The following NEK1 variants were observed in gnomAD, a reference collection of about 807,000 sequenced individuals.
NEK1 encodes NIMA related kinase 1.
NEK1 carries 137 observed loss-of-function variants against 182.1 expected under a neutral mutation model. That is an observed-to-expected ratio of 0.75 (90% CI 0.65 to 0.87). The LOEUF (loss-of-function observed/expected upper bound fraction) is 0.87. Among genes scored for constraint, NEK1 ranks in the 40% least tolerant of loss-of-function variants. NEK1 has a pLI of 0.00. For missense variants in NEK1, 1,391 were observed against 1,494.4 expected (o/e 0.93, Z 1.14); for synonymous variants, 513 against 492.2 (o/e 1.04, Z -0.56).
chr4:169,511,010 T>C (rs1754085831), intron 19 of NEK1, among the ~76,000 whole-genome samples: 1 of 152,178 alleles, frequency 6.6e-6, no homozygotes, highest in African/African-American at 2.4e-5. Context: ...AAGCGCAGTA[T>C]ATTTTAGTTA....
Position 169,477,249 on chromosome 4 carries a change from T to G in NEK1, c.2309A>C (p.Glu770Ala). 1 of 1,601,016 alleles carries G rather than the reference T, an allele frequency of 6.2e-7. No homozygotes were observed. The highest frequency in any genetic ancestry group is 8.5e-7 in the Non-Finnish European group (1 of 1,172,418). Residue 770 changes from glutamate (E) to alanine (A), a missense_variant, in exon 26 of 36, where the codon GAA becomes GCA. Coordinates refer to ENST00000507142, the MANE Select transcript of NEK1 (RefSeq NM_001199397.3). ...LSDTFEINVH[E>A]DAKEHEKEKS... The stretch of plus-strand genomic sequence containing the variant: ...TTCTTTTTCATGCTCTTTGGCATCT[T>G]CATGAACATTTATCTCAAAAGTATC...
intron 27 of NEK1, among the ~76,000 whole-genome samples, chr4:169,443,451 A>G (rs1310469033): frequency 3.3e-5 from 5 of 151,724 alleles, no homozygotes; most frequent in Non-Finnish European, 7.4e-5. Context: ...GAATGAAAAC[A>G]GTTCTTTCGA....
chr4:169,524,847 G>A (rs1189644717), intron 19 of NEK1, among the ~76,000 whole-genome samples: 2 of 152,172 alleles, frequency 1.3e-5, no homozygotes, highest in East Asian at 3.9e-4. Context: ...CATAAACGGT[G>A]TACTGGAACA....
At chr4:169,407,659 T>C (rs921348962) in intron 31 of NEK1, among the ~76,000 whole-genome samples, 1 of 152,190 alleles carries the variant, frequency 6.6e-6, no homozygotes, top group Non-Finnish European at 1.5e-5. Context: ...GACAAGGCTA[T>C]GAAACAACTA....
At chr4:169,607,088 A>G (rs1771479583) in intron 2 of NEK1, among the ~76,000 whole-genome samples, 1 of 152,234 alleles carries the variant, frequency 6.6e-6, no homozygotes, top group Non-Finnish European at 1.5e-5. Flanking sequence ...TTCTGTTCCT[A>G]AACTGTGCAT....
At chr4:169,600,964 T>C (rs966356407) in intron 4 of NEK1, among the ~76,000 whole-genome samples, 1 of 152,108 alleles carries the variant, frequency 6.6e-6, no homozygotes, top group Non-Finnish European at 1.5e-5. Flanking sequence ...TAACTTGAAA[T>C]ATTAAAATTT....
intron 19 of NEK1, among the ~76,000 whole-genome samples, chr4:169,524,699 A>G (rs1580458273): frequency 6.6e-6 from 1 of 152,214 alleles, no homozygotes. Context: ...ACTATGGTCC[A>G]TGGTCCAAAT....
chr4:169,445,842 C>CTATATATATATATATATATATATATATA (rs1206499120), intron 27 of NEK1, among the ~76,000 whole-genome samples: 1 of 108,532 alleles, frequency 9.2e-6, no homozygotes, highest in African/African-American at 4.8e-5. Flanking sequence ...AACAAAACAA[C>CTATATATATATATATATATATATATATA]TATATACATA....
chr4:169,561,732 A>G lies in NEK1; in HGVS notation c.1146T>C (p.Ile382=), dbSNP rs56064008. ...EKEKKQKDQI[I]SLMKAEQMKR... ...TCATTTGTTCAGCCTTCATTAAACT[A>G]ATAATCTGTAACAATTTTAAAGACA... Residue 382 remains isoleucine, a synonymous_variant, in exon 15 of 36, where the codon ATT becomes ATC. Transcript: ENST00000507142. 128,047 of 1,576,632 alleles carry G rather than the reference A, an allele frequency of 0.081. 6,202 individuals carry two copies. Among genetic ancestry groups the G allele is most frequent in the Non-Finnish European group, 0.098 (113,846 of 1,158,610 alleles).
chr4:169,417,871 G>C (rs1386330974), intron 31 of NEK1, among the ~76,000 whole-genome samples: 2 of 152,200 alleles, frequency 1.3e-5, no homozygotes, highest in Non-Finnish European at 2.9e-5. Flanking sequence ...GAAAATATCT[G>C]GACTTTGGGT....
chr4:169,439,334 C>A (rs1738997809), intron 27 of NEK1, among the ~76,000 whole-genome samples: 1 of 152,158 alleles, frequency 6.6e-6, no homozygotes, highest in Non-Finnish European at 1.5e-5. Flanking sequence ...CAGGAACTGT[C>A]CTTAGCTCAG....
chr4:169,546,055 G>C (rs62334503), intron 18 of NEK1, among the ~76,000 whole-genome samples: 70,111 of 152,034 alleles, frequency 0.46, 18,655 homozygotes, highest in East Asian at 0.76. Context: ...TTTCTTCTCT[G>C]ATTCTTCTAA....
intron 27 of NEK1, among the ~76,000 whole-genome samples, chr4:169,446,036 A>G (rs1278940577): frequency 6.6e-6 from 1 of 151,968 alleles, no homozygotes. Flanking sequence ...AATTGATCTC[A>G]TGGAAGTAGA....
At chr4:169,539,532 G>A (rs548301298) in intron 18 of NEK1, among the ~76,000 whole-genome samples, 2 of 152,154 alleles carry the variant, frequency 1.3e-5, no homozygotes, top group South Asian at 4.2e-4. Context: ...TGGGCCTGAG[G>A]AGGCAGATAA....
chr4:169,598,864 A>T (rs1465791717), intron 5 of NEK1, among the ~76,000 whole-genome samples: 1 of 152,230 alleles, frequency 6.6e-6, no homozygotes, highest in African/African-American at 2.4e-5. Context: ...TAGACGCATG[A>T]TATATATAAC....
At chr4:169,495,342 C>A (rs1751017271) in intron 23 of NEK1, among the ~76,000 whole-genome samples, 1 of 147,638 alleles carries the variant, frequency 6.8e-6, no homozygotes. Context: ...CTCCCGGGTT[C>A]ACGCCATTCT....
chr4:169,395,849 T>C (rs1216245996), intron 35 of NEK1, among the ~76,000 whole-genome samples: 1 of 152,214 alleles, frequency 6.6e-6, no homozygotes, highest in East Asian at 1.9e-4. Flanking sequence ...TTTGCTTTTA[T>C]TTTTATTACG....
chr4:169,506,981 G>T, intron 23 of NEK1, 56 bp downstream of exon 23: 1 of 1,177,358 alleles, frequency 8.5e-7, no homozygotes, highest in Non-Finnish European at 1.2e-6. Flanking sequence ...TACTACCCAG[G>T]AAGAGCTATA....
intron 19 of NEK1, among the ~76,000 whole-genome samples, chr4:169,522,433 G>A (rs1756226662): frequency 2.0e-5 from 3 of 152,184 alleles, no homozygotes; most frequent in Non-Finnish European, 4.4e-5. Context: ...GGTTTGACAA[G>A]TTATTATGTT....
Sources: gnomAD v4.1 joint callset for allele counts (sites outside exome capture counted in the v4.1 genomes callset) on GRCh38, gnomAD v4.1.1 for gene constraint, MANE v1.5 for transcripts, NCBI Gene and HGNC (gene_info 2026-07-23, HGNC 2026-07-21) for gene names.